ACTR3C: variants seen among roughly 807,000 people sequenced by gnomAD.
ACTR3C encodes actin-related protein 3C.
Under a neutral mutation model 26.3 loss-of-function variants are expected in ACTR3C, and 18 were observed. The ratio of observed to expected loss-of-function variants is 0.68; its 90% CI spans 0.47 to 1.01. The LOEUF (loss-of-function observed/expected upper bound fraction) is 1.01. Ranked by LOEUF, ACTR3C falls within the 50% of genes least tolerant of loss-of-function variation. The pLI is 0.00. For synonymous variants in ACTR3C, 55 were observed against 94.5 expected (o/e 0.58, Z 2.42); for missense variants, 184 against 250.7 (o/e 0.73, Z 1.80).
At chr7:149,983,520 T>TG in the ACTR3C span, among the ~76,000 whole-genome samples, 11 of 146,858 alleles carry the variant, frequency 7.5e-5, no homozygotes, top group East Asian at 4.0e-4. Flanking sequence ...TGTACATTAT[T>TG]GGGGGGGAAT....
chr7:150,186,189 C>G, the ACTR3C span, among the ~76,000 whole-genome samples: 1 of 152,128 alleles, frequency 6.6e-6, no homozygotes, highest in Non-Finnish European at 1.5e-5. Flanking sequence ...ACTCTCTCTT[C>G]TAAAACAATT....
the ACTR3C span, among the ~76,000 whole-genome samples, chr7:149,919,900 A>C: frequency 3.0e-5 from 4 of 132,802 alleles, no homozygotes; most frequent in Non-Finnish European, 6.4e-5. Flanking sequence ...GAAAGATACG[A>C]CAATTAGCAC....
intron 1 of ACTR3C, among the ~76,000 whole-genome samples, chr7:150,299,475 A>C (rs1260468532): frequency 2.8e-5 from 4 of 144,180 alleles, no homozygotes; most frequent in Non-Finnish European, 3.0e-5. Flanking sequence ...AAAAAAAAAA[A>C]AAAAAAAAAA....
At chr7:150,287,735 G>C (rs1334892503) in intron 4 of ACTR3C, among the ~76,000 whole-genome samples, 1 of 149,110 alleles carries the variant, frequency 6.7e-6, no homozygotes, top group Non-Finnish European at 1.5e-5. Flanking sequence ...TAAGAAGACT[G>C]ACAGGCAAGA....
At chr7:150,315,213 A>C (rs1796746359) in intron 1 of ACTR3C, among the ~76,000 whole-genome samples, 1 of 151,604 alleles carries the variant, frequency 6.6e-6, no homozygotes, top group Non-Finnish European at 1.5e-5. Flanking sequence ...ACAAAAAGCA[A>C]TGACTATAAA....
chr7:149,973,479 G>T, the ACTR3C span, among the ~76,000 whole-genome samples: 1 of 152,182 alleles, frequency 6.6e-6, no homozygotes, highest in African/African-American at 2.4e-5. Flanking sequence ...TTCAGATTGA[G>T]CTTTAATTGA....
chr7:150,240,895 C>T (rs1437580534), downstream of ACTR3C, among the ~76,000 whole-genome samples: 1 of 152,134 alleles, frequency 6.6e-6, no homozygotes, highest in African/African-American at 2.4e-5. Context: ...CAATTTTTAT[C>T]TATACGCTAG....
chr7:150,267,267 G>A (rs567801006), intron 6 of ACTR3C, among the ~76,000 whole-genome samples: 2 of 152,338 alleles, frequency 1.3e-5, no homozygotes, highest in African/African-American at 4.8e-5. Flanking sequence ...CACGCTCCAC[G>A]GTGTCAGTTA....
the ACTR3C span, among the ~76,000 whole-genome samples, chr7:150,198,316 T>C: frequency 6.7e-6 from 1 of 148,180 alleles, no homozygotes; most frequent in African/African-American, 2.6e-5. Flanking sequence ...TCGTCTGGGA[T>C]GTGAGGAGCC....
At chr7:150,021,924 T>C in the ACTR3C span, among the ~76,000 whole-genome samples, 4 of 151,856 alleles carry the variant, frequency 2.6e-5, no homozygotes, top group South Asian at 2.1e-4. Flanking sequence ...TGTACTGCTA[T>C]AGGCGTGCGT....
the ACTR3C span, among the ~76,000 whole-genome samples, chr7:150,225,065 G>A: frequency 2.0e-5 from 3 of 151,258 alleles, no homozygotes; most frequent in Non-Finnish European, 4.4e-5. Flanking sequence ...ACGAGCATGC[G>A]ATTGGAATAT....
At chr7:150,117,006 G>A in the ACTR3C span, among the ~76,000 whole-genome samples, 1 of 152,130 alleles carries the variant, frequency 6.6e-6, no homozygotes. Flanking sequence ...CCCTGGCCAA[G>A]GGAAGCCATG....
At chr7:150,047,888 C>T in the ACTR3C span, 1 of 1,422,944 alleles carries the variant, frequency 7.0e-7, no homozygotes, top group Admixed American at 2.1e-5. Flanking sequence ...GTCTTTAGGG[C>T]TTTTTAATAT....
chr7:150,163,656 CA>C, the ACTR3C span, among the ~76,000 whole-genome samples: 1 of 151,826 alleles, frequency 6.6e-6, no homozygotes. Flanking sequence ...GCAGGAAAGC[CA>C]GTGGTATAAT....
the ACTR3C span, among the ~76,000 whole-genome samples, chr7:149,946,291 G>A: frequency 1.3e-5 from 2 of 152,200 alleles, no homozygotes; most frequent in Admixed American, 6.5e-5. Context: ...CTCGTGCTGA[G>A]ACCATAAGAT....
the ACTR3C span, among the ~76,000 whole-genome samples, chr7:150,131,449 GC>G: frequency 6.6e-6 from 1 of 151,770 alleles, no homozygotes; most frequent in African/African-American, 2.4e-5. Context: ...TTCTGTTAAA[GC>G]AGCTCGAACA....
the ACTR3C span, among the ~76,000 whole-genome samples, chr7:150,199,724 T>TAAA: frequency 1.1e-3 from 21 of 19,102 alleles, no homozygotes; most frequent in Admixed American, 2.9e-3. Context: ...AATATTTTTA[T>TAAA]CAAAAAAAAA....
chr7:150,312,051 G>T (rs778875049), intron 1 of ACTR3C, among the ~76,000 whole-genome samples: 19 of 152,174 alleles, frequency 1.2e-4, no homozygotes, highest in Non-Finnish European at 2.4e-4. Flanking sequence ...TCACTGTAAA[G>T]GACACCAGAA....
intron 3 of ACTR3C, among the ~76,000 whole-genome samples, chr7:150,291,649 T>A (rs1054386300): frequency 6.6e-6 from 1 of 152,158 alleles, no homozygotes; most frequent in Non-Finnish European, 1.5e-5. Context: ...CTGTGAAATG[T>A]ATTTTCTTTC....
Sources: allele counts gnomAD v4.1 joint callset (sites outside exome capture counted in the v4.1 genomes callset), GRCh38; gene constraint gnomAD v4.1.1; transcripts MANE v1.5; gene names NCBI Gene and HGNC (gene_info 2026-07-23, HGNC 2026-07-21).